CD44: variants seen among roughly 807,000 people sequenced by gnomAD.
CD44 encodes the protein CD44 antigen.
CD44 carries 49 observed loss-of-function variants against 88.8 expected under a neutral mutation model. That is an observed-to-expected ratio of 0.55 (90% CI 0.44 to 0.70). The LOEUF is 0.70. Among genes scored for constraint, CD44 ranks in the 30% least tolerant of loss-of-function variants. The pLI, the probability that CD44 is intolerant of heterozygous loss-of-function variation, is 0.00. For missense variants in CD44, 883 were observed against 913.8 expected, an observed-to-expected ratio of 0.97 and a Z score of 0.43; for synonymous variants, 325 against 312.3, an observed-to-expected ratio of 1.04 and a Z score of -0.43.
intron 16 of CD44, among the ~76,000 whole-genome samples, chr11:35,220,650 A>C (rs1949218591): frequency 6.6e-6 from 1 of 152,198 alleles, no homozygotes; most frequent in Non-Finnish European, 1.5e-5. Context: ...CAAGTGATAT[A>C]TAATTATTGA....
At chr11:35,173,145 C>A (rs916033979) in intron 1 of CD44, among the ~76,000 whole-genome samples, 2 of 152,204 alleles carry the variant, frequency 1.3e-5, no homozygotes, top group Non-Finnish European at 2.9e-5. Context: ...CAATTATTGT[C>A]CATGCCTCAG....
chr11:35,217,045 A>G (rs2134288713), intron 15 of CD44, among the ~76,000 whole-genome samples: 1 of 152,268 alleles, frequency 6.6e-6, no homozygotes, highest in South Asian at 2.1e-4. Context: ...GGAACTTGCT[A>G]CTGTGGCCAG....
At chr11:35,194,978 A>T (rs1020772167) in intron 5 of CD44, among the ~76,000 whole-genome samples, 1 of 152,232 alleles carries the variant, frequency 6.6e-6, no homozygotes, top group Non-Finnish European at 1.5e-5. Flanking sequence ...GATTTCTCTC[A>T]TCAAAGTGTA....
At chr11:35,204,339 G>A (rs1334200948) in intron 9 of CD44, among the ~76,000 whole-genome samples, 173 bp from the exon 10 acceptor site, 1 of 152,132 alleles carries the variant, frequency 6.6e-6, no homozygotes. Flanking sequence ...TAAACATTTG[G>A]ATCATTTGAT....
At chr11:35,221,553 C>CT in intron 16 of CD44, 101 bp from the exon 17 acceptor site, 2 of 974,314 alleles carry the variant, frequency 2.1e-6, no homozygotes, top group South Asian at 2.6e-5. Flanking sequence ...GCAGCGCTGA[C>CT]TGTGGTGCTT....
chr11:35,150,344 G>C (rs942184017), intron 1 of CD44, among the ~76,000 whole-genome samples: 3 of 152,112 alleles, frequency 2.0e-5, no homozygotes, highest in African/African-American at 7.2e-5. Context: ...CCAAATCAAG[G>C]CACTGAGCAA....
intron 17 of CD44, among the ~76,000 whole-genome samples, chr11:35,223,563 A>G (rs1486374591): frequency 1.3e-5 from 2 of 152,046 alleles, no homozygotes; most frequent in African/African-American, 4.8e-5. Flanking sequence ...AAGGGGCCTC[A>G]TTGCTGCCCT....
chr11:35,222,902 G>A (rs758952295), intron 17 of CD44: 38 of 985,208 alleles, frequency 3.9e-5, no homozygotes, highest in Non-Finnish European at 3.9e-5. Context: ...CCTCAGTCTG[G>A]GAGAAGACCT....
chr11:35,139,546 T>A, intron 1 of CD44, 176 bp downstream of exon 1: 1 of 771,826 alleles, frequency 1.3e-6, no homozygotes, highest in Non-Finnish European at 2.4e-6. Context: ...TTGGAGAATG[T>A]GTCTGTGGAA....
At chr11:35,157,412 A>G (rs142316435) in intron 1 of CD44, among the ~76,000 whole-genome samples, 110 of 152,052 alleles carry the variant, frequency 7.2e-4, no homozygotes, top group African/African-American at 2.6e-3. Context: ...TCTGTCATAT[A>G]TCTATCTCTA....
At position 35,204,419 on chromosome 11, in the gene CD44, A is replaced by T. The variant is rs1404220666; in HGVS notation, c.1154-93A>T. On this transcript the variant is annotated intron_variant, in intron 9 of 17. Transcript: ENST00000428726. ...CCTTTCTTTTCTACCTTCCCTCCCCATGTGTATCTGCCCTTAAAGTAGAAA... is the reference window on the plus strand; with the variant it reads ...CCTTTCTTTTCTACCTTCCCTCCCCTTGTGTATCTGCCCTTAAAGTAGAAA... 6.6e-6 allele frequency: 8 copies of T among 1,213,908 alleles called. No individual in the cohort carries two copies. In the South Asian group the frequency reaches 8.1e-5, roughly 12 times the overall value. 75.2% of individuals were successfully genotyped at this position (1,213,908 alleles called of 1,614,324 possible). A position where few individuals can be genotyped will look rare whatever the true frequency, so the allele number is the denominator to read the frequency against.
At chr11:35,208,229 A>T in intron 12 of CD44, 23 bp downstream of exon 12, 1 of 1,424,046 alleles carries the variant, frequency 7.0e-7, no homozygotes, top group Non-Finnish European at 9.9e-7. Flanking sequence ...ATGCTCAGCC[A>T]CTTTATTGAC....
At chr11:35,190,803 A>G (rs975761714) in intron 5 of CD44, among the ~76,000 whole-genome samples, 3 of 152,228 alleles carry the variant, frequency 2.0e-5, no homozygotes, top group Non-Finnish European at 4.4e-5. Context: ...AGAGCTCTAT[A>G]ATCCAGCCTG....
intron 1 of CD44, among the ~76,000 whole-genome samples, chr11:35,164,826 C>A (rs563475985): frequency 2.4e-4 from 37 of 152,272 alleles, no homozygotes; most frequent in African/African-American, 7.9e-4. Context: ...CATTTTTGCA[C>A]AATATATTTC....
intron 1 of CD44, among the ~76,000 whole-genome samples, chr11:35,169,142 G>A (rs774966642): frequency 2.0e-5 from 3 of 152,134 alleles, no homozygotes; most frequent in African/African-American, 4.8e-5. Context: ...CCTGTCGGGG[G>A]TTGGGGGCAG....
chr11:35,204,394 C>G, intron 9 of CD44, 118 bp from the exon 10 acceptor site: 3 of 870,056 alleles, frequency 3.4e-6, no homozygotes, highest in Non-Finnish European at 5.4e-6. Flanking sequence ...TTCCTTGGTG[C>G]CTTTCTTTTC....
intron 17 of CD44, among the ~76,000 whole-genome samples, 191 bp downstream of exon 17, chr11:35,221,923 G>T (rs1182355975): frequency 6.6e-6 from 1 of 152,188 alleles, no homozygotes; most frequent in Non-Finnish European, 1.5e-5. Context: ...CAAGTTTCCA[G>T]GGATTCATGT....
chr11:35,218,589 A>G (rs1207547997), intron 15 of CD44, among the ~76,000 whole-genome samples: 2 of 152,168 alleles, frequency 1.3e-5, no homozygotes, highest in Non-Finnish European at 2.9e-5. Flanking sequence ...AGCCTCCCAA[A>G]GTACTGGGAT....
intron 5 of CD44, among the ~76,000 whole-genome samples, chr11:35,191,694 C>T (rs76696199): frequency 0.023 from 3,577 of 152,252 alleles, 49 homozygotes; most frequent in Non-Finnish European, 0.028. Flanking sequence ...TAAAACATAA[C>T]TTGGGACTAT....
Sources: gnomAD v4.1 joint callset for allele counts (sites outside exome capture counted in the v4.1 genomes callset) on GRCh38, gnomAD v4.1.1 for gene constraint, MANE v1.5 for transcripts, NCBI Gene and HGNC (gene_info 2026-07-23, HGNC 2026-07-21) for gene names.